E2F7: variants seen among roughly 807,000 people sequenced by gnomAD.
E2F7 encodes transcription factor E2F7.
Under a neutral mutation model 81.1 loss-of-function variants are expected in E2F7, and 35 were observed. The ratio of observed to expected loss-of-function variants is 0.43; its 90% CI spans 0.33 to 0.57. The LOEUF (loss-of-function observed/expected upper bound fraction) is 0.57. Among genes scored for constraint, E2F7 ranks in the 20% least tolerant of loss-of-function variants. The pLI is 0.04. For missense variants in E2F7, 961 were observed against 1,093.7 expected, an observed-to-expected ratio of 0.88 and a Z score of 1.71; for synonymous variants, 416 against 416.2, an observed-to-expected ratio of 1.00 and a Z score of 0.01.
At position 77,024,091 on chromosome 12, in the gene E2F7, C is replaced by G. The variant is rs1398768469; in HGVS notation, c.2660G>C (p.Arg887Thr). 1 of 1,613,940 alleles carries G rather than the reference C, an allele frequency of 6.2e-7. No individual in the cohort carries two copies. Among genetic ancestry groups the G allele is most frequent in the African/African-American group, 1.3e-5 (1 of 74,882 alleles). The change falls in exon 13 of 13, where the codon AGA becomes ACA. Residue 887 changes from arginine (R) to threonine (T), a missense_variant. Arg to Thr is a moderately conservative substitution (Grantham distance 71). This residue lies in a region of E2F7 where 587 missense variants were observed against 620.3 expected (regional missense o/e 0.95). Transcript: ENST00000322886. ...GTTTCGTGACTGGTTCCTTTCTCTTCTCTTCAGGACAGGGTCTCCAAGGCT... is the reference window on the plus strand; with the variant it reads ...GTTTCGTGACTGGTTCCTTTCTCTTGTCTTCAGGACAGGGTCTCCAAGGCT... ...PGSLGDPVLK[R>T]RERNQSRNTS...
intron 11 of E2F7, 23 bp from the exon 12 acceptor site, chr12:77,026,005 G>A (rs778804817): frequency 7.6e-6 from 12 of 1,584,526 alleles, no homozygotes; most frequent in Admixed American, 3.6e-5. Context: ...CAGAACAGGC[G>A]AAAATCAATA....
chr12:77,062,340 G>A (rs530416774), intron 2 of E2F7, among the ~76,000 whole-genome samples: 14 of 152,282 alleles, frequency 9.2e-5, no homozygotes, highest in South Asian at 2.1e-4. Context: ...AGGTCACATA[G>A]CTAATAAATG....
At chr12:77,033,203 G>GA in intron 8 of E2F7, 81 bp from the exon 9 acceptor site, 1 of 1,271,786 alleles carries the variant, frequency 7.9e-7, no homozygotes, top group Non-Finnish European at 1.1e-6. Context: ...ATCTAGCTGA[G>GA]AATTCATTAT....
At chr12:77,036,913 C>G (rs1954854865) in intron 7 of E2F7, among the ~76,000 whole-genome samples, 1 of 152,032 alleles carries the variant, frequency 6.6e-6, no homozygotes, top group Non-Finnish European at 1.5e-5. Flanking sequence ...GGCTAATCAG[C>G]TAATTTTTTG....
Position 77,027,988 on chromosome 12 carries a change from A to G in E2F7, c.2035T>C (p.Trp679Arg). ...TCTGTATTTCTTGAAGGATTTCCCC[A>G]CTCAGAAGAAACAAGAGAGTTTGCT... ...ATANSLVSSE[W>R]GNPSRNTDVE... Residue 679 changes from tryptophan to arginine, a missense_variant, in exon 11 of 13, where the codon TGG (tryptophan) becomes CGG (arginine). Around this residue, in one of 3 missense-constraint regions of E2F7, gnomAD observed 587 missense variants for 620.3 expected, o/e 0.95. Coordinates refer to ENST00000322886, the MANE Select transcript of E2F7 (RefSeq NM_203394.3). 1 of 1,614,098 alleles carries G rather than the reference A, an allele frequency of 6.2e-7. No homozygotes were observed. Among genetic ancestry groups the G allele is most frequent in the Non-Finnish European group, 8.5e-7 (1 of 1,180,016 alleles).
chr12:77,064,249 C>T (rs962656687), intron 2 of E2F7, among the ~76,000 whole-genome samples: 8 of 152,158 alleles, frequency 5.3e-5, no homozygotes, highest in African/African-American at 1.9e-4. Context: ...GCTACACCAC[C>T]CTTGACAACT....
chr12:77,024,022 G>C lies in E2F7; in HGVS notation c.2729C>G (p.Ala910Gly). 6.2e-7 allele frequency: 1 copy of C among 1,613,434 alleles called. No individual in the cohort carries two copies. Among genetic ancestry groups the C allele is most frequent in the Non-Finnish European group, 8.5e-7 (1 of 1,179,946 alleles). Residue 910 changes from alanine (A) to glycine (G), a missense_variant, in exon 13 of 13, where the codon GCT becomes GGT. Physicochemically the swap from Ala to Gly is moderately conservative, Grantham distance 60. Transcript: ENST00000322886. ...ACCTGGCAAAGCGGCAGGTTAGTCAGCGCCGCCGCTGGGGATTTCTAGTCT... is the reference window on the plus strand; with the variant it reads ...ACCTGGCAAAGCGGCAGGTTAGTCACCGCCGCCGCTGGGGATTTCTAGTCT... ...QRRLEIPSGG[A>G]D
rs1303161763 is a variant in E2F7, at chr12:77,021,366, C to G, written c.*2649G>C. On this transcript the variant is annotated 3_prime_UTR_variant, in exon 13 of 13. Coordinates refer to ENST00000322886, the MANE Select transcript of E2F7 (RefSeq NM_203394.3). Reference sequence around the variant, plus strand: ...ATGTAGTACAGTTACAAGTAAATAGCTATAGATAATATAGCCATTAGGAAA... The same window carrying G: ...ATGTAGTACAGTTACAAGTAAATAGGTATAGATAATATAGCCATTAGGAAA... 6.6e-6 allele frequency: 1 copy of G among 152,334 alleles called. No homozygotes were observed. The highest frequency in any genetic ancestry group is 1.5e-5 in the Non-Finnish European group (1 of 67,974). The allele number at this position is 152,334 out of a possible 1,614,324, so 9.4% of individuals were successfully genotyped here. A position where few individuals can be genotyped will look rare whatever the true frequency, so the allele number is the denominator to read the frequency against.
At chr12:77,035,956 T>G (rs1312502998) in intron 7 of E2F7, among the ~76,000 whole-genome samples, 1 of 17,218 alleles carries the variant, frequency 5.8e-5, no homozygotes, top group African/African-American at 2.5e-4. Flanking sequence ...AATGGCAGAT[T>G]AGAAATTGTA....
chr12:77,031,173 C>T (rs190590195), intron 9 of E2F7, among the ~76,000 whole-genome samples: 168 of 152,096 alleles, frequency 1.1e-3, no homozygotes, highest in African/African-American at 3.8e-3. Flanking sequence ...CAGTGAGCTA[C>T]GATCACGCCA....
rs12298845 is a variant in E2F7, at chr12:77,058,361, G to A, written c.94-2231C>T. ...CACAGAGAAGTCAAATAACTTGGCT[G>A]AGGTCACCTATGACCTCATTCAGTG... On this transcript the variant is annotated intron_variant, in intron 2 of 12. Transcript: ENST00000322886. Among the ~76,000 whole-genome samples, 740 of 152,300 alleles carry A rather than the reference G, an allele frequency of 4.9e-3. 5 individuals carry two copies. The highest frequency in any genetic ancestry group is 0.017 in the African/African-American group (701 of 41,562).
chr12:77,033,633 G>A (rs1043711575), intron 8 of E2F7, among the ~76,000 whole-genome samples: 2 of 152,238 alleles, frequency 1.3e-5, no homozygotes, highest in Admixed American at 6.5e-5. Flanking sequence ...AGGTGACTAG[G>A]ATCAATTTTA....
At chr12:77,056,912 G>A (rs1718702625) in intron 2 of E2F7, among the ~76,000 whole-genome samples, 1 of 147,980 alleles carries the variant, frequency 6.8e-6, no homozygotes. Context: ...TTAAAAGATA[G>A]GGTCTCACTC....
rs964412463 is a variant in E2F7, at chr12:77,045,875, C to T, written c.829+163G>A. ...TTTCAATGAGGTCAAGTGGGCAGTC[C>T]AGTTGGGGAGCCATCTGCTTCTCTT... is the stretch of plus-strand genomic sequence containing the variant. On this transcript the variant is annotated intron_variant, in intron 5 of 12. Coordinates refer to ENST00000322886, the MANE Select transcript of E2F7 (RefSeq NM_203394.3). 4.5e-6 allele frequency: 4 copies of T among 889,030 alleles called. No individual in the cohort carries two copies. The African/African-American group carries it at 5.1e-5, about 11-fold the overall frequency. The allele number at this position is 889,030 out of a possible 1,614,324, so 55.1% of individuals were successfully genotyped here. A position where few individuals can be genotyped will look rare whatever the true frequency, so the allele number is the denominator to read the frequency against.
intron 4 of E2F7, among the ~76,000 whole-genome samples, chr12:77,047,170 A>G (rs1025609535): frequency 2.0e-5 from 3 of 152,210 alleles, no homozygotes; most frequent in African/African-American, 7.2e-5. Context: ...TAAACCTAGC[A>G]AAAATACTTA....
At position 77,062,899 on chromosome 12, in the gene E2F7, A is replaced by AAC. The variant is rs1555201276; in HGVS notation, c.93+1643_93+1644insGT. Reference sequence around the variant, plus strand: ...TGACTTAGATAATTAAAAAAAAAAAAAAAAGGCCACTTTAAATAATCTTCA... The same window carrying AAC: ...TGACTTAGATAATTAAAAAAAAAAAAACAAAAGGCCACTTTAAATAATCTTCA... On this transcript the variant is annotated intron_variant, in intron 2 of 12. Transcript: ENST00000322886. 1.4e-3 allele frequency among the ~76,000 whole-genome samples: 207 copies of AAC among 151,770 alleles called. 1 individual carries two copies. The highest frequency in any genetic ancestry group is 4.6e-3 in the African/African-American group (190 of 41,340).
intron 4 of E2F7, among the ~76,000 whole-genome samples, chr12:77,048,850 G>A (rs979946512): frequency 1.3e-5 from 2 of 152,096 alleles, no homozygotes; most frequent in Non-Finnish European, 2.9e-5. Context: ...GATGTAACAC[G>A]GCCCTCCAAC....
rs1265507487 is a variant in E2F7 at position 77,023,873 on chromosome 12, T to G, written c.*142A>C. 1 of 980,096 alleles carries G rather than the reference T, an allele frequency of 1.0e-6. No individual in the cohort carries two copies. Among genetic ancestry groups the G allele is most frequent in the Non-Finnish European group, 1.5e-6 (1 of 667,660 alleles). 60.7% of individuals were successfully genotyped at this position (980,096 alleles called of 1,614,324 possible). A position where few individuals can be genotyped will look rare whatever the true frequency, so the allele number is the denominator to read the frequency against. ...AATTACTTTCAGGAAATCAGATGAT[T>G]GATGGTGGTGGGAAGTTAACAGAAG... On this transcript the variant is annotated 3_prime_UTR_variant, in exon 13 of 13. Coordinates refer to ENST00000322886, the MANE Select transcript of E2F7 (RefSeq NM_203394.3).
At chr12:77,058,209 C>A (rs922979384) in intron 2 of E2F7, among the ~76,000 whole-genome samples, 1 of 152,164 alleles carries the variant, frequency 6.6e-6, no homozygotes, top group Admixed American at 6.6e-5. Context: ...CAGGTGAACT[C>A]TCAAGGGAAA....
Sources: allele counts gnomAD v4.1 joint callset (sites outside exome capture counted in the v4.1 genomes callset), GRCh38; gene constraint gnomAD v4.1.1; regional missense constraint gnomAD v4.1.1; transcripts MANE v1.5; gene names NCBI Gene and HGNC (gene_info 2026-07-23, HGNC 2026-07-21).